The following OVCH1 variants were observed in gnomAD, a reference collection of about 807,000 sequenced individuals.
OVCH1 encodes ovochymase 1.
Under a neutral mutation model 138.4 loss-of-function variants are expected in OVCH1, and 139 were observed. That is an observed-to-expected ratio of 1.00 (90% CI 0.87 to 1.16). The LOEUF is 1.16. Ranked by LOEUF, OVCH1 falls within the 50% of genes most tolerant of loss-of-function variation. The pLI, the probability that OVCH1 is intolerant of heterozygous loss-of-function variation, is 0.00. For synonymous variants in OVCH1, 453 were observed against 467.8 expected (o/e 0.97, Z 0.41); for missense variants, 1,367 against 1,357.9 (o/e 1.01, Z -0.11).
At chr12:29,477,348 T>C (rs1276326908) in exon 11 of OVCH1, 1 of 1,613,862 alleles carries the variant, frequency 6.2e-7, no homozygotes, top group African/African-American at 1.3e-5. Flanking sequence ...CACCTGCTTC[T>C]GACTTCTGTA....
At chr12:29,430,037 A>G (rs536743024) in intron 27 of OVCH1, among the ~76,000 whole-genome samples, 25 of 152,238 alleles carry the variant, frequency 1.6e-4, no homozygotes, top group Non-Finnish European at 3.2e-4. Context: ...TCTACATTTC[A>G]ATTTATTTTT....
chr12:29,490,972 C>T (rs1162748647), intron 5 of OVCH1, 125 bp downstream of exon 5: 26 of 755,108 alleles, frequency 3.4e-5, no homozygotes, highest in Admixed American at 1.1e-4. Context: ...CAGAAATCTT[C>T]GTTGTGTCAG....
At chr12:29,487,603 T>G in intron 7 of OVCH1, 90 bp downstream of exon 7, 1 of 1,261,438 alleles carries the variant, frequency 7.9e-7, no homozygotes, top group African/African-American at 1.5e-5. Context: ...ATTCTTGCTT[T>G]GTTCTAAAGC....
chr12:29,407,664 CTA>C (rs1237311742), downstream of OVCH1, among the ~76,000 whole-genome samples: 1 of 152,056 alleles, frequency 6.6e-6, no homozygotes, highest in East Asian at 1.9e-4. Context: ...CCATTGGTCT[CTA>C]TCTCTGTTTT....
intron 22 of OVCH1, 75 bp downstream of exon 22, chr12:29,451,270 G>T (rs1941786659): frequency 2.5e-6 from 3 of 1,197,566 alleles, no homozygotes; most frequent in Non-Finnish European, 3.6e-6. Context: ...TACCAAGTCA[G>T]ACTCATTCCT....
chr12:29,464,556 TAGA>T, exon 18 of OVCH1: 1 of 1,613,516 alleles, frequency 6.2e-7, no homozygotes, highest in Non-Finnish European at 8.5e-7. Flanking sequence ...CCGAGGAAAA[TAGA>T]GGCTCTGCGC....
chr12:29,430,930 T>C (rs775791711), intron 27 of OVCH1: 1 of 517,454 alleles, frequency 1.9e-6, no homozygotes, highest in Admixed American at 2.0e-5. Context: ...AGAGTACCCC[T>C]GTGAGTCCAG....
chr12:29,412,039 G>A (rs1399517726), downstream of OVCH1, among the ~76,000 whole-genome samples: 16 of 151,992 alleles, frequency 1.1e-4, no homozygotes, highest in South Asian at 2.1e-4. Flanking sequence ...CCTCTCTGCC[G>A]CCTTGCTGTT....
intron 20 of OVCH1, 65 bp from the exon 21 acceptor site, chr12:29,454,998 T>C (rs2060570): frequency 0.55 from 740,720 of 1,348,428 alleles, 205,630 homozygotes; most frequent in African/African-American, 0.64. Flanking sequence ...TAGTGGGCAC[T>C]AAAGCAGCCA....
rs1592116029 is a variant in OVCH1 at position 29,489,716 on chromosome 12, T to C, written c.606A>G (p.Arg202=). The change falls in exon 6 of 28, where the codon AGA becomes AGG. Residue 202 remains arginine (R), a synonymous_variant. Coordinates refer to ENST00000318184, the Ensembl canonical transcript of OVCH1. Reference sequence around the variant, plus strand: ...TGCTCTTGAGCACAGTATTACACGCTCTGTCATCCATGATGGGAAGTTCCA... The same window carrying C: ...TGCTCTTGAGCACAGTATTACACGCCCTGTCATCCATGATGGGAAGTTCCA... 6 of 1,610,870 alleles carry C rather than the reference T, an allele frequency of 3.7e-6. 1 individual carries two copies. In the Admixed American group the frequency reaches 1.0e-4, roughly 27 times the overall value.
intron 6 of OVCH1, 115 bp from the exon 7 acceptor site, chr12:29,487,997 T>G (rs550243880): frequency 2.1e-6 from 2 of 969,464 alleles, no homozygotes; most frequent in Admixed American, 3.1e-5. Context: ...GGCAAAGAAG[T>G]CCACTAGTCA....
chr12:29,411,836 C>T (rs1226918217), downstream of OVCH1, among the ~76,000 whole-genome samples: 1 of 151,256 alleles, frequency 6.6e-6, no homozygotes, highest in Non-Finnish European at 1.5e-5. Flanking sequence ...CTCTTCAAAG[C>T]TGCCAGACAG....
intron 8 of OVCH1, among the ~76,000 whole-genome samples, chr12:29,483,492 T>A (rs1039102604): frequency 1.3e-5 from 2 of 152,206 alleles, no homozygotes; most frequent in African/African-American, 4.8e-5. Flanking sequence ...AAAGTTATAA[T>A]CTTTCCATCA....
intron 26 of OVCH1, among the ~76,000 whole-genome samples, chr12:29,434,171 GA>G (rs1941317884): frequency 6.6e-6 from 1 of 151,846 alleles, no homozygotes; most frequent in South Asian, 2.1e-4. Flanking sequence ...AACAAGTAAA[GA>G]AAAAAAGGAC....
At chr12:29,475,254 A>G (rs1942664993) in intron 13 of OVCH1, 65 bp from the exon 14 acceptor site, 1 of 1,254,808 alleles carries the variant, frequency 8.0e-7, no homozygotes. Context: ...CACACAGTAA[A>G]ATAATCACCC....
At chr12:29,464,928 C>T (rs942928950) in intron 17 of OVCH1, among the ~76,000 whole-genome samples, 1 of 152,106 alleles carries the variant, frequency 6.6e-6, no homozygotes, top group Admixed American at 6.6e-5. Context: ...CTTTGAAAAC[C>T]TGTGTCCATG....
At chr12:29,451,220 A>C in intron 22 of OVCH1, 125 bp downstream of exon 22, 1 of 562,252 alleles carries the variant, frequency 1.8e-6, no homozygotes, top group South Asian at 3.3e-5. Flanking sequence ...CAAGGGAAAA[A>C]GCATTCCTAT....
intron 22 of OVCH1, among the ~76,000 whole-genome samples, chr12:29,446,178 T>G (rs1216791278): frequency 6.6e-6 from 1 of 152,114 alleles, no homozygotes; most frequent in Non-Finnish European, 1.5e-5. Context: ...GCAGAAAATT[T>G]TATTTTTTTC....
At chr12:29,465,046 A>C in intron 17 of OVCH1, 101 bp downstream of exon 17, 3 of 989,354 alleles carry the variant, frequency 3.0e-6, no homozygotes, top group Non-Finnish European at 4.5e-6. Context: ...AAAGGGCCCT[A>C]GGAGATTAAT....
Sources: allele counts gnomAD v4.1 joint callset (sites outside exome capture counted in the v4.1 genomes callset), GRCh38; gene constraint gnomAD v4.1.1; transcripts MANE v1.5; gene names NCBI Gene and HGNC (gene_info 2026-07-23, HGNC 2026-07-21).